Variants in ADCY2 observed in about 807,000 individuals in gnomAD.
ADCY2 encodes the protein adenylate cyclase 2, also known as adenylate cyclase type 2.
In ADCY2, 31 loss-of-function variants were observed where a neutral mutation model predicts 125.2. The ratio of observed to expected loss-of-function variants is 0.25; its 90% confidence interval spans 0.19 to 0.33. The LOEUF is 0.33. ADCY2 is among the 10% of genes least tolerant of loss of function. ADCY2 has a pLI of 1.00. For missense variants in ADCY2, 904 were observed against 1,418.2 expected, an observed-to-expected ratio of 0.64 and a Z score of 5.82; for synonymous variants, 512 against 548.4, an observed-to-expected ratio of 0.93 and a Z score of 0.93.
chr5:7,705,731 A>G (rs1741247828), intron 7 of ADCY2, among the ~76,000 whole-genome samples: 1 of 152,200 alleles, frequency 6.6e-6, no homozygotes, highest in Non-Finnish European at 1.5e-5. Flanking sequence ...TTGCAAAAGC[A>G]AGAAAGGAAG....
intron 24 of ADCY2, 162 bp from the exon 25 acceptor site, chr5:7,826,557 C>A (rs745743298): frequency 2.7e-5 from 25 of 918,446 alleles, no homozygotes; most frequent in Non-Finnish European, 4.0e-5. Flanking sequence ...CCTTTACAAC[C>A]TTTTTTTCTT....
At chr5:7,583,771 A>T (rs1402773743) in intron 3 of ADCY2, among the ~76,000 whole-genome samples, 1 of 152,140 alleles carries the variant, frequency 6.6e-6, no homozygotes, top group Admixed American at 6.5e-5. Context: ...CCCAAGAGAA[A>T]TAAAAATGTG....
chr5:7,530,844 C>A (rs1285074808), intron 3 of ADCY2, among the ~76,000 whole-genome samples: 1 of 152,102 alleles, frequency 6.6e-6, no homozygotes, highest in Non-Finnish European at 1.5e-5. Context: ...ACATGCTGTA[C>A]CCTCTGCCCA....
intron 2 of ADCY2, among the ~76,000 whole-genome samples, chr5:7,478,585 T>C (rs900351902): frequency 2.6e-5 from 4 of 152,162 alleles, no homozygotes; most frequent in Non-Finnish European, 5.9e-5. Context: ...TAAGGTAATA[T>C]TGTTTTGTCA....
At chr5:7,637,050 A>G (rs888877400) in intron 4 of ADCY2, among the ~76,000 whole-genome samples, 5 of 152,226 alleles carry the variant, frequency 3.3e-5, no homozygotes, top group Admixed American at 2.0e-4. Context: ...CTTTGGTAAT[A>G]CATTTTAAAT....
At chr5:7,415,844 A>G (rs1210238284) in intron 2 of ADCY2, among the ~76,000 whole-genome samples, 1 of 152,068 alleles carries the variant, frequency 6.6e-6, no homozygotes, top group Non-Finnish European at 1.5e-5. Flanking sequence ...CTAGGCTGAG[A>G]TGTGAGCTAC....
rs770556347 is a variant in ADCY2, at chr5:7,789,725, G to A, written c.2553G>A (p.Leu851=). 3 of 1,611,188 alleles carry A rather than the reference G, an allele frequency of 1.9e-6. No individual in the cohort carries two copies. Among genetic ancestry groups the A allele is most frequent in the Non-Finnish European group, 2.5e-6 (3 of 1,178,842 alleles). The change falls in exon 20 of 25, where the codon CTG becomes CTA. Residue 851 remains leucine (L), a synonymous_variant. Coordinates refer to ENST00000338316, the MANE Select transcript of ADCY2 (RefSeq NM_020546.3). ...EREEIETMEN[L]NRVLLENVLP... is the part of the protein sequence containing the mutation. ...AGGAGATAGAGACCATGGAGAACCTGAACCGCGTGCTGCTGGAGAACGTGC... is the reference window on the plus strand; with the variant it reads ...AGGAGATAGAGACCATGGAGAACCTAAACCGCGTGCTGCTGGAGAACGTGC...
intron 4 of ADCY2, among the ~76,000 whole-genome samples, chr5:7,682,609 A>C (rs1429043150): frequency 6.6e-6 from 1 of 152,178 alleles, no homozygotes; most frequent in African/African-American, 2.4e-5. Context: ...CTCAAGGATG[A>C]AGGGAAGTGA....
At chr5:7,407,867 CTTTTTTTTTTT>C (rs963332049) in intron 1 of ADCY2, among the ~76,000 whole-genome samples, 1 of 127,920 alleles carries the variant, frequency 7.8e-6, no homozygotes, top group African/African-American at 2.9e-5. Context: ...CTCTTCAGTT[CTTTTTTTTTTT>C]TTTTTTTTGA....
At chr5:7,619,971 A>G (rs1019200818) in intron 3 of ADCY2, among the ~76,000 whole-genome samples, 1 of 152,174 alleles carries the variant, frequency 6.6e-6, no homozygotes, top group African/African-American at 2.4e-5. Flanking sequence ...TTCTCAATGA[A>G]TTAATTTGTA....
chr5:7,482,498 C>T (rs1445083546), intron 2 of ADCY2, among the ~76,000 whole-genome samples: 1 of 152,002 alleles, frequency 6.6e-6, no homozygotes, highest in East Asian at 1.9e-4. Flanking sequence ...GGAGCAAACT[C>T]TTATGTACTG....
rs70940750 is a variant in ADCY2, at chr5:7,665,828, C to CTT, written c.721-24836_721-24835dup. On this transcript the variant is annotated intron_variant, in intron 4 of 24. Transcript: ENST00000338316. ...TGTTTTGTTTTTTTTTAATTTAATT[C>CTT]TTTTTTTTTTTTTTTTTTTTTTTTT... Among the ~76,000 whole-genome samples the CTT allele has an allele frequency of 7.4e-3, 285 of 38,638 alleles. 106 individuals carry two copies. The highest frequency in any genetic ancestry group is 8.6e-3 in the Non-Finnish European group (189 of 21,994). 25.3% of individuals were successfully genotyped at this position (38,638 alleles called of 152,430 possible). A position where few individuals can be genotyped will look rare whatever the true frequency, so the allele number is the denominator to read the frequency against.
At chr5:7,654,343 G>T (rs1027017363) in intron 4 of ADCY2, 1 of 353,862 alleles carries the variant, frequency 2.8e-6, no homozygotes, top group Non-Finnish European at 5.6e-6. Context: ...AGGGAAAACG[G>T]GATCGAGAGA....
chr5:7,728,801 C>G (rs1742011250), intron 14 of ADCY2, among the ~76,000 whole-genome samples: 1 of 152,134 alleles, frequency 6.6e-6, no homozygotes. Flanking sequence ...AATACAGGAT[C>G]TGTCACCTAC....
chr5:7,649,146 T>C (rs546078820), intron 4 of ADCY2, among the ~76,000 whole-genome samples: 2 of 152,362 alleles, frequency 1.3e-5, no homozygotes, highest in South Asian at 4.1e-4. Context: ...GCTTCTCATT[T>C]GGGTAACAAC....
intron 4 of ADCY2, among the ~76,000 whole-genome samples, chr5:7,689,310 C>A (rs377192249): frequency 6.6e-6 from 1 of 151,978 alleles, no homozygotes; most frequent in Non-Finnish European, 1.5e-5. Flanking sequence ...GCAGTCTCTG[C>A]AGCCTTCTTT....
chr5:7,436,203 G>A (rs1228859266), intron 2 of ADCY2, among the ~76,000 whole-genome samples: 1 of 152,174 alleles, frequency 6.6e-6, no homozygotes, highest in Non-Finnish European at 1.5e-5. Flanking sequence ...GACCAGGGGT[G>A]CATAGGAACA....
At chr5:7,597,221 G>T (rs1294526816) in intron 3 of ADCY2, among the ~76,000 whole-genome samples, 2 of 152,244 alleles carry the variant, frequency 1.3e-5, no homozygotes, top group East Asian at 3.9e-4. Flanking sequence ...AGGAATGGCA[G>T]CAGGGCCAGG....
chr5:7,708,336 G>A (rs1741331218), intron 9 of ADCY2, among the ~76,000 whole-genome samples: 1 of 152,132 alleles, frequency 6.6e-6, no homozygotes, highest in African/African-American at 2.4e-5. Flanking sequence ...GTATGCACAA[G>A]CATATTTACC....
Sources: allele counts gnomAD v4.1 joint callset (sites outside exome capture counted in the v4.1 genomes callset), GRCh38; gene constraint gnomAD v4.1.1; transcripts MANE v1.5; gene names NCBI Gene and HGNC (gene_info 2026-07-23, HGNC 2026-07-21).